Variants in CNTNAP5 observed in about 807,000 individuals in gnomAD.
The protein encoded by CNTNAP5 is contactin associated protein family member 5.
A neutral mutation model predicts 150.2 loss-of-function variants in CNTNAP5; 72 were observed. The ratio of observed to expected loss-of-function variants is 0.48; its 90% confidence interval spans 0.40 to 0.58. The LOEUF is 0.58. Ranked by LOEUF, CNTNAP5 falls within the 20% of genes least tolerant of loss-of-function variation. CNTNAP5 has a pLI of 0.00. For synonymous variants in CNTNAP5, 672 were observed against 619.8 expected (o/e 1.08, Z -1.25); for missense variants, 1,636 against 1,626.2 (o/e 1.01, Z -0.10).
intron 1 of CNTNAP5, among the ~76,000 whole-genome samples, chr2:124,137,367 G>T (rs1683998135): frequency 6.6e-6 from 1 of 151,940 alleles, no homozygotes; most frequent in Non-Finnish European, 1.5e-5. Flanking sequence ...GAAAAAGGAG[G>T]AAATACAAGG....
intron 1 of CNTNAP5, among the ~76,000 whole-genome samples, chr2:124,190,646 A>G (rs982601345): frequency 2.6e-5 from 4 of 152,230 alleles, no homozygotes; most frequent in Admixed American, 1.3e-4. Flanking sequence ...CTCTCATGCT[A>G]TCCAATTTTC....
Position 124,169,770 on chromosome 2 carries a change from TG to T in CNTNAP5, c.83-51934del, listed in dbSNP as rs1346483385. Among the ~76,000 whole-genome samples, 11 of 152,186 alleles carry T rather than the reference TG, an allele frequency of 7.2e-5. 1 individual carries two copies. The South Asian group carries it at 1.2e-3, about 17-fold the overall frequency. On this transcript the variant is annotated intron_variant, in intron 1 of 23. Coordinates refer to ENST00000682447, the MANE Select transcript of CNTNAP5 (RefSeq NM_001367498.1). ...AAGGCTCTTAGACTCAGACTTAGCA[TG>T]TGACTTCCCTAACATGAAGGGAGCA...
At chr2:124,026,204 C>G (rs1039265869) in intron 1 of CNTNAP5, among the ~76,000 whole-genome samples, 4 of 152,170 alleles carry the variant, frequency 2.6e-5, no homozygotes, top group African/African-American at 2.4e-5. Flanking sequence ...CTGCGTTCTG[C>G]CCTAGGCAGA....
chr2:124,780,054 G>A, intron 17 of CNTNAP5, among the ~76,000 whole-genome samples: 1 of 152,116 alleles, frequency 6.6e-6, no homozygotes, highest in East Asian at 1.9e-4. Context: ...AGCTCCCCGT[G>A]CCGTCCATTC....
At chr2:124,642,932 C>T (rs1678124425) in intron 12 of CNTNAP5, among the ~76,000 whole-genome samples, 1 of 152,200 alleles carries the variant, frequency 6.6e-6, no homozygotes, top group Admixed American at 6.5e-5. Context: ...AATACACAGT[C>T]TGCCTTTGGA....
intron 3 of CNTNAP5, among the ~76,000 whole-genome samples, chr2:124,365,591 T>C (rs371118633): frequency 2.6e-5 from 4 of 152,150 alleles, no homozygotes; most frequent in East Asian, 3.9e-4. Flanking sequence ...AGTAACACCA[T>C]TGGGAAGCAG....
intron 3 of CNTNAP5, among the ~76,000 whole-genome samples, chr2:124,371,381 T>C (rs1690522063): frequency 6.6e-6 from 1 of 152,140 alleles, no homozygotes; most frequent in African/African-American, 2.4e-5. Context: ...ATTGAAATAA[T>C]TATTATATAC....
At chr2:124,456,461 T>G (rs769264418) in intron 6 of CNTNAP5, among the ~76,000 whole-genome samples, 9 of 152,004 alleles carry the variant, frequency 5.9e-5, no homozygotes, top group Non-Finnish European at 1.2e-4. Flanking sequence ...CATGAATGGG[T>G]AGAATCAATA....
intron 1 of CNTNAP5, among the ~76,000 whole-genome samples, chr2:124,074,355 T>G (rs1408867661): frequency 1.3e-5 from 2 of 152,164 alleles, no homozygotes; most frequent in African/African-American, 4.8e-5. Context: ...ATTGGATTAT[T>G]TGTAACACAT....
chr2:124,445,918 G>A (rs1055205732), intron 5 of CNTNAP5, among the ~76,000 whole-genome samples: 5 of 152,146 alleles, frequency 3.3e-5, no homozygotes, highest in Admixed American at 3.3e-4. Context: ...TGGTAGAGGG[G>A]TATAGCCAGG....
rs140109910 is a variant in CNTNAP5 at position 124,776,458 on chromosome 2, T to A, written c.2752+3441T>A. Reference sequence around the variant, plus strand: ...GCTGGAAGGGAATTATTACTCCTATTTCAGGTGAAGCGTGTCAAACTCAGT... The same window carrying A: ...GCTGGAAGGGAATTATTACTCCTATATCAGGTGAAGCGTGTCAAACTCAGT... On this transcript the variant is annotated intron_variant, in intron 17 of 23. Transcript: ENST00000682447. 4.0e-4 allele frequency among the ~76,000 whole-genome samples: 61 copies of A among 152,290 alleles called. No individual in the cohort carries two copies. In the East Asian group the frequency reaches 0.011, roughly 28 times the overall value.
intron 16 of CNTNAP5, among the ~76,000 whole-genome samples, chr2:124,766,599 T>C (rs1053800415): frequency 1.3e-5 from 2 of 152,144 alleles, no homozygotes; most frequent in Non-Finnish European, 1.5e-5. Context: ...GGCTTTGGTG[T>C]GAAACAAGAT....
chr2:124,144,034 CA>C (rs1684185656), intron 1 of CNTNAP5, among the ~76,000 whole-genome samples: 1 of 151,234 alleles, frequency 6.6e-6, no homozygotes, highest in African/African-American at 2.4e-5. Context: ...AGTGAACTCC[CA>C]TTCACAATTG....
intron 1 of CNTNAP5, among the ~76,000 whole-genome samples, chr2:124,080,457 T>A (rs968141138): frequency 1.3e-5 from 2 of 152,184 alleles, no homozygotes; most frequent in African/African-American, 4.8e-5. Context: ...ACACTGTAAC[T>A]CAGGCTTTGT....
intron 1 of CNTNAP5, among the ~76,000 whole-genome samples, chr2:124,055,537 G>A (rs191537353): frequency 1.4e-3 from 218 of 152,024 alleles, no homozygotes; most frequent in African/African-American, 4.9e-3. Flanking sequence ...GAATGTTCTC[G>A]TCCAGTGACT....
At chr2:124,040,156 G>A (rs575707769) in intron 1 of CNTNAP5, among the ~76,000 whole-genome samples, 17 of 152,212 alleles carry the variant, frequency 1.1e-4, no homozygotes, top group Admixed American at 2.6e-4. Flanking sequence ...TCAGGGTGGC[G>A]TTCAATAATC....
At chr2:124,349,870 A>ATTTTTTTT (rs1553460393) in intron 3 of CNTNAP5, among the ~76,000 whole-genome samples, 6 of 36,408 alleles carry the variant, frequency 1.6e-4, no homozygotes, top group African/African-American at 5.1e-4. Flanking sequence ...ACTTCTGGCT[A>ATTTTTTTT]TTTCTTTTTT....
At chr2:124,217,071 GC>G (rs1367383284) in intron 1 of CNTNAP5, among the ~76,000 whole-genome samples, 2 of 152,044 alleles carry the variant, frequency 1.3e-5, no homozygotes, top group East Asian at 3.9e-4. Flanking sequence ...CCATGAAAAA[GC>G]TTTTAAAGAT....
At chr2:124,360,713 C>T (rs1231796261) in intron 3 of CNTNAP5, among the ~76,000 whole-genome samples, 3 of 116,390 alleles carry the variant, frequency 2.6e-5, no homozygotes, top group Non-Finnish European at 5.4e-5. Flanking sequence ...TGAGGGTAAC[C>T]CGACCTTTCT....
Sources: gnomAD v4.1 joint callset for allele counts (sites outside exome capture counted in the v4.1 genomes callset) on GRCh38, gnomAD v4.1.1 for gene constraint, MANE v1.5 for transcripts, NCBI Gene and HGNC (gene_info 2026-07-23, HGNC 2026-07-21) for gene names.